ERBB4: variants seen among roughly 807,000 people sequenced by gnomAD.
The protein encoded by ERBB4 is erb-b2 receptor tyrosine kinase 4.
Under a neutral mutation model 158.0 loss-of-function variants are expected in ERBB4, and 42 were observed. That is an observed-to-expected ratio of 0.27 (90% CI 0.21 to 0.34). The LOEUF is 0.34. Among genes scored for constraint, ERBB4 ranks in the 10% least tolerant of loss-of-function variants. The pLI is 1.00. For missense variants in ERBB4, 1,333 were observed against 1,624.1 expected, an observed-to-expected ratio of 0.82 and a Z score of 3.08; for synonymous variants, 583 against 558.7, an observed-to-expected ratio of 1.04 and a Z score of -0.61.
At chr2:211,574,565 G>T (rs2067835937) in intron 19 of ERBB4, among the ~76,000 whole-genome samples, 2 of 152,122 alleles carry the variant, frequency 1.3e-5, no homozygotes, top group African/African-American at 4.8e-5. Context: ...AAAAGTGTCT[G>T]CAAACAGCAT....
At chr2:211,591,291 T>C (rs1378290403) in intron 19 of ERBB4, among the ~76,000 whole-genome samples, 1 of 152,218 alleles carries the variant, frequency 6.6e-6, no homozygotes, top group Non-Finnish European at 1.5e-5. Flanking sequence ...CGAAGGGGGA[T>C]AGATTAGGGG....
intron 1 of ERBB4, among the ~76,000 whole-genome samples, chr2:212,206,775 A>G (rs2082771442): frequency 1.3e-5 from 2 of 151,534 alleles, no homozygotes; most frequent in Admixed American, 1.3e-4. Flanking sequence ...TTTTTAGTAG[A>G]GACGGGGTTT....
At chr2:211,859,821 C>T (rs749760634) in intron 3 of ERBB4, among the ~76,000 whole-genome samples, 1 of 152,156 alleles carries the variant, frequency 6.6e-6, no homozygotes, top group Non-Finnish European at 1.5e-5. Flanking sequence ...CTGTAAGACA[C>T]ACTTCTTCAA....
At chr2:212,083,306 T>C (rs903882671) in intron 2 of ERBB4, among the ~76,000 whole-genome samples, 1 of 151,938 alleles carries the variant, frequency 6.6e-6, no homozygotes, top group African/African-American at 2.4e-5. Context: ...TTGAAGATGA[T>C]TATTCTCAGA....
chr2:212,170,190 GT>G (rs1198135603), intron 1 of ERBB4, among the ~76,000 whole-genome samples: 2 of 152,158 alleles, frequency 1.3e-5, no homozygotes, highest in African/African-American at 4.8e-5. Context: ...GAACAATGAA[GT>G]CCAGGCTGAG....
intron 3 of ERBB4, among the ~76,000 whole-genome samples, chr2:211,861,111 TTATATATATATTTTATATATA>T (rs1473453188): frequency 4.6e-5 from 1 of 21,532 alleles, no homozygotes; most frequent in African/African-American, 2.4e-4. Flanking sequence ...TTATATATAT[TTATATATATATTTTATATATA>T]TATATATATA....
intron 1 of ERBB4, among the ~76,000 whole-genome samples, chr2:212,520,163 A>G (rs1004522932): frequency 3.3e-5 from 5 of 151,932 alleles, no homozygotes; most frequent in African/African-American, 1.2e-4. Context: ...ATTTATGATC[A>G]ATCATTGGTT....
chr2:211,956,018 A>G (rs1322738552), intron 2 of ERBB4, among the ~76,000 whole-genome samples: 1 of 145,386 alleles, frequency 6.9e-6, no homozygotes, highest in African/African-American at 2.6e-5. Context: ...TGAAGATTCT[A>G]TCATCTCTAA....
intron 20 of ERBB4, among the ~76,000 whole-genome samples, chr2:211,524,834 G>A (rs182819953): frequency 7.6e-4 from 108 of 142,214 alleles, no homozygotes; most frequent in Admixed American, 3.2e-3. Context: ...ACAGTGCAGC[G>A]GTGGGCTGAA....
intron 3 of ERBB4, among the ~76,000 whole-genome samples, chr2:211,909,255 T>C (rs1370794195): frequency 6.6e-6 from 1 of 151,784 alleles, no homozygotes; most frequent in Non-Finnish European, 1.5e-5. Context: ...ACAATGTTGG[T>C]TGGATTTATG....
intron 3 of ERBB4, among the ~76,000 whole-genome samples, chr2:211,840,176 C>T (rs533266968): frequency 6.6e-6 from 1 of 151,972 alleles, no homozygotes; most frequent in African/African-American, 2.4e-5. Flanking sequence ...GTGGGTCTTT[C>T]CTGTGCTGTT....
At chr2:212,123,630 T>C (rs2079828569) in intron 2 of ERBB4, among the ~76,000 whole-genome samples, 1 of 152,184 alleles carries the variant, frequency 6.6e-6, no homozygotes, top group Non-Finnish European at 1.5e-5. Context: ...CTAGTCCAAC[T>C]ATGAGAGTCG....
chr2:211,724,444 A>G (rs1192862633), intron 6 of ERBB4, among the ~76,000 whole-genome samples: 1 of 151,376 alleles, frequency 6.6e-6, no homozygotes, highest in Non-Finnish European at 1.5e-5. Flanking sequence ...CTATATAAAC[A>G]TTTGTGTATT....
chr2:212,025,369 T>C (rs1326624852), intron 2 of ERBB4, among the ~76,000 whole-genome samples: 2 of 151,842 alleles, frequency 1.3e-5, no homozygotes, highest in Non-Finnish European at 3.0e-5. Context: ...AGAAATGAAA[T>C]GGGAAAATGA....
chr2:212,120,111 G>A (rs1214983485), intron 2 of ERBB4, among the ~76,000 whole-genome samples: 1 of 152,082 alleles, frequency 6.6e-6, no homozygotes, highest in Non-Finnish European at 1.5e-5. Context: ...AGAAATGAAT[G>A]GTTCCCCAAA....
intron 3 of ERBB4, among the ~76,000 whole-genome samples, chr2:211,942,372 T>C (rs1435719178): frequency 2.0e-5 from 3 of 151,078 alleles, no homozygotes; most frequent in African/African-American, 7.3e-5. Context: ...ATTTATTTAT[T>C]TTGGGACAGG....
In ERBB4 at chr2:212,331,058, G is replaced by GTATATA; in HGVS notation, c.83-206161_83-206156dup. 6.1e-3 allele frequency among the ~76,000 whole-genome samples: 342 copies of GTATATA among 56,290 alleles called. 20 individuals are homozygous for GTATATA. Among genetic ancestry groups the GTATATA allele is most frequent in the African/African-American group, 0.012 (313 of 25,302 alleles). The allele number at this position is 56,290 out of a possible 152,430, so 36.9% of individuals were successfully genotyped here. On this transcript the variant is annotated intron_variant, in intron 1 of 27. Coordinates refer to ENST00000342788, the MANE Select transcript of ERBB4 (RefSeq NM_005235.3). ...AGTAAGTTTCCCATATTTGTAATTT[G>GTATATA]TATATATATATATACACATATATAT...
intron 2 of ERBB4, among the ~76,000 whole-genome samples, chr2:212,105,338 T>C (rs1229076933): frequency 6.6e-6 from 1 of 152,222 alleles, no homozygotes; most frequent in Non-Finnish European, 1.5e-5. Flanking sequence ...ATAGTTTACA[T>C]AGCACTGAAT....
intron 1 of ERBB4, among the ~76,000 whole-genome samples, chr2:212,345,090 C>T (rs1230328032): frequency 6.6e-6 from 1 of 151,394 alleles, no homozygotes; most frequent in African/African-American, 2.4e-5. Flanking sequence ...ACGGTGAAAC[C>T]CCGTCTCTAC....
Sources: allele counts gnomAD v4.1 joint callset (sites outside exome capture counted in the v4.1 genomes callset), GRCh38; gene constraint gnomAD v4.1.1; transcripts MANE v1.5; gene names NCBI Gene and HGNC (gene_info 2026-07-23, HGNC 2026-07-21).